Variants in TEKT3 observed in about 807,000 individuals in gnomAD.
TEKT3 encodes the protein tektin-3.
Under a neutral mutation model 49.8 loss-of-function variants are expected in TEKT3, and 49 were observed. The ratio of observed to expected loss-of-function variants is 0.98; its 90% CI spans 0.78 to 1.25. TEKT3 has a LOEUF of 1.25. Ranked by LOEUF, TEKT3 falls within the 50% of genes most tolerant of loss-of-function variation. The pLI is 0.00. For synonymous variants in TEKT3, 225 were observed against 237.2 expected (o/e 0.95, Z 0.47); for missense variants, 595 against 629.5 (o/e 0.95, Z 0.59).
intron 2 of TEKT3, among the ~76,000 whole-genome samples, chr17:15,338,128 C>T (rs1402353835): frequency 6.6e-6 from 1 of 152,086 alleles, no homozygotes; most frequent in Non-Finnish European, 1.5e-5. Flanking sequence ...AATATTTCAA[C>T]GTTTGTCTGT....
At chr17:15,315,643 A>G (rs1397020996) in intron 5 of TEKT3, among the ~76,000 whole-genome samples, 1 of 152,064 alleles carries the variant, frequency 6.6e-6, no homozygotes, top group East Asian at 1.9e-4. Context: ...TCCATCAACT[A>G]AGATAGGGGG....
At chr17:15,331,702 A>T in intron 2 of TEKT3, 88 bp from the exon 3 acceptor site, 1 of 1,026,758 alleles carries the variant, frequency 9.7e-7, no homozygotes, top group Non-Finnish European at 1.4e-6. Context: ...CTGACTTAGT[A>T]TCAGTTGCAG....
Position 15,308,746 on chromosome 17 carries a change from A to G in TEKT3, c.1174T>C (p.Phe392Leu), listed in dbSNP as rs756167821. Residue 392 changes from phenylalanine to leucine, a missense_variant, in exon 8 of 9, where the codon TTC (phenylalanine) becomes CTC (leucine). Phe to Leu is a conservative substitution (Grantham distance 22). Coordinates refer to ENST00000395930, the MANE Select transcript of TEKT3 (RefSeq NM_031898.3). ...IKKAIKDKTA[F>L]LKVAQTRLDE... is the part of the protein sequence containing the mutation. ...AGTCTGGTCTGAGCCACCTTCAGGAAGGCAGTCTTGTCCTTGATGGCCTTC... is the reference window on the plus strand; with the variant it reads ...AGTCTGGTCTGAGCCACCTTCAGGAGGGCAGTCTTGTCCTTGATGGCCTTC... 3.1e-6 allele frequency: 5 copies of G among 1,613,914 alleles called. No homozygotes were observed. The highest frequency in any genetic ancestry group is 1.3e-5 in the African/African-American group (1 of 74,892).
rs1911724705 is a variant in TEKT3, at chr17:15,331,319, A to G, written c.267T>C (p.Thr89=). Residue 89 remains threonine (T), a synonymous_variant, in exon 3 of 9, where the codon ACT becomes ACC. Coordinates refer to ENST00000395930, the MANE Select transcript of TEKT3 (RefSeq NM_031898.3). ...CATCCGGTGTGTATCTTGTGAAGAA[A>G]GTGGTTCTGTTGGAAACAAAGGGAA... is the stretch of plus-strand genomic sequence containing the variant. ...TMLPFVSNRT[T]FFTRYTPDDW... The G allele has an allele frequency of 6.2e-7, 1 of 1,614,108 alleles. No homozygotes were observed. The highest frequency in any genetic ancestry group is 1.3e-5 in the African/African-American group (1 of 74,942).
chr17:15,321,036 G>A (rs1262240605), intron 4 of TEKT3, among the ~76,000 whole-genome samples: 1 of 149,286 alleles, frequency 6.7e-6, no homozygotes, highest in Non-Finnish European at 1.5e-5. Flanking sequence ...TTGAGATGGA[G>A]TCTTGCTCTA....
Position 15,314,070 on chromosome 17 carries a change from G to T in TEKT3, c.878+17C>A. On this transcript the variant is annotated intron_variant, in intron 6 of 8. Transcript: ENST00000395930. The stretch of plus-strand genomic sequence containing the variant: ...AAATGACATCGAAATCACAGCCGTG[G>T]CGTGTGCCTGACTTACGTTGCATCG... 6.2e-7 allele frequency: 1 copy of T among 1,614,156 alleles called. No homozygotes were observed.
At chr17:15,328,300 A>G (rs918110944) in intron 3 of TEKT3, among the ~76,000 whole-genome samples, 1 of 152,332 alleles carries the variant, frequency 6.6e-6, no homozygotes, top group Admixed American at 6.5e-5. Context: ...AAATATTCCT[A>G]TCTTGGAAAG....
chr17:15,340,499 A>C (rs1203080556), intron 1 of TEKT3: 3 of 152,266 alleles, frequency 2.0e-5, no homozygotes, highest in Non-Finnish European at 2.9e-5. Flanking sequence ...GTGAGCTGAG[A>C]TCATGCCATT....
intron 1 of TEKT3, among the ~76,000 whole-genome samples, chr17:15,341,266 T>C (rs1263489204): frequency 6.6e-6 from 1 of 152,122 alleles, no homozygotes; most frequent in African/African-American, 2.4e-5. Context: ...GGATGCCCCT[T>C]CCCTGGGCAT....
chr17:15,333,615 AAGTTGTCTTT>A (rs1252480280), intron 2 of TEKT3, among the ~76,000 whole-genome samples: 1 of 152,158 alleles, frequency 6.6e-6, no homozygotes, highest in Non-Finnish European at 1.5e-5. Context: ...AGGGTCCTTA[AAGTTGTCTTT>A]AGTTCCAACC....
At chr17:15,323,446 G>T (rs1911351104) in intron 4 of TEKT3, among the ~76,000 whole-genome samples, 1 of 107,654 alleles carries the variant, frequency 9.3e-6, no homozygotes, top group Admixed American at 9.7e-5. Context: ...CAAAGTCCAA[G>T]GAGTCAGTAC....
At chr17:15,335,560 A>C (rs1911944337) in intron 2 of TEKT3, among the ~76,000 whole-genome samples, 1 of 152,224 alleles carries the variant, frequency 6.6e-6, no homozygotes, top group Admixed American at 6.5e-5. Context: ...ACAGGTCTCA[A>C]AGATATCAAG....
At chr17:15,337,776 G>A (rs1912048468) in intron 2 of TEKT3, among the ~76,000 whole-genome samples, 1 of 151,304 alleles carries the variant, frequency 6.6e-6, no homozygotes, top group African/African-American at 2.4e-5. Context: ...GGGAGGCGGA[G>A]GTTGCAGTGA....
chr17:15,343,271 C>T (rs1016238153), upstream of TEKT3, among the ~76,000 whole-genome samples: 1 of 152,172 alleles, frequency 6.6e-6, no homozygotes, highest in Non-Finnish European at 1.5e-5. Flanking sequence ...CAGTGAATTT[C>T]AAAAACCTCC....
chr17:15,309,549 C>T (rs941700172), intron 7 of TEKT3, among the ~76,000 whole-genome samples: 1 of 152,164 alleles, frequency 6.6e-6, no homozygotes, highest in Non-Finnish European at 1.5e-5. Context: ...TCTCTGCACT[C>T]CTGTAGCTCC....
intron 7 of TEKT3, among the ~76,000 whole-genome samples, chr17:15,309,157 C>T (rs1192709892): frequency 1.3e-5 from 2 of 152,136 alleles, no homozygotes; most frequent in African/African-American, 4.8e-5. Flanking sequence ...TGCAAGCTGC[C>T]CCCAATGGCC....
chr17:15,331,654 A>T, intron 2 of TEKT3, 40 bp from the exon 3 acceptor site: 1 of 1,440,468 alleles, frequency 6.9e-7, no homozygotes. Context: ...AGTCACATAA[A>T]ATAATCTCTG....
intron 6 of TEKT3, 93 bp downstream of exon 6, chr17:15,313,994 T>C: frequency 6.4e-7 from 1 of 1,567,686 alleles, no homozygotes; most frequent in Non-Finnish European, 8.7e-7. Context: ...TATCTTACCT[T>C]GCTTTCCATT....
rs151050579 is a variant in TEKT3 at position 15,319,101 on chromosome 17, A to G, written c.710T>C (p.Leu237Ser). ...LCCQERMKLH[L>S]DKAIAQLAAN... ...CGCAAGTTGGGCAATAGCCTTATCC[A>G]AATGTAGCTTCATTCTTTCTTGACA... The change falls in exon 5 of 9, where the codon TTG becomes TCG. Residue 237 changes from leucine (L) to serine (S), a missense_variant. Leu to Ser is a moderately radical substitution (Grantham distance 145). Transcript: ENST00000395930. The G allele has an allele frequency of 6.8e-4, 1,095 of 1,612,634 alleles. 8 individuals carry two copies. In the African/African-American group the frequency reaches 0.012, roughly 18 times the overall value.
Sources: allele counts gnomAD v4.1 joint callset (sites outside exome capture counted in the v4.1 genomes callset), GRCh38; gene constraint gnomAD v4.1.1; transcripts MANE v1.5; gene names NCBI Gene and HGNC (gene_info 2026-07-23, HGNC 2026-07-21).